FAM186A: variants seen among roughly 807,000 people sequenced by gnomAD.
FAM186A encodes protein FAM186A.
Under a neutral mutation model 216.8 loss-of-function variants are expected in FAM186A, and 163 were observed. The observed-to-expected ratio is 0.75, with a 90% CI of 0.66 to 0.86. FAM186A has a LOEUF of 0.86. FAM186A is among the 40% of genes least tolerant of loss of function. FAM186A has a pLI of 0.00. For missense variants in FAM186A, 2,184 were observed against 2,746.2 expected (o/e 0.80, Z 4.58); for synonymous variants, 805 against 1,025.3 (o/e 0.79, Z 4.10).
At chr12:50,333,638 CCA>C (rs1263731198) in intron 5 of FAM186A, among the ~76,000 whole-genome samples, 1 of 152,160 alleles carries the variant, frequency 6.6e-6, no homozygotes, top group Non-Finnish European at 1.5e-5. Flanking sequence ...CCCATAGCCA[CCA>C]CAATCTAGGA....
intron 1 of FAM186A, among the ~76,000 whole-genome samples, chr12:50,385,794 C>G (rs982235210): frequency 1.3e-5 from 2 of 151,478 alleles, no homozygotes; most frequent in Non-Finnish European, 2.9e-5. Flanking sequence ...CCCAGCTACT[C>G]GGGAGACTGA....
chr12:50,328,868 C>T (rs1174854410), intron 7 of FAM186A, among the ~76,000 whole-genome samples: 2 of 152,182 alleles, frequency 1.3e-5, no homozygotes. Flanking sequence ...GTAATCCCAA[C>T]CTTTTGGGAG....
intron 1 of FAM186A, among the ~76,000 whole-genome samples, chr12:50,383,789 C>T (rs1330835199): frequency 6.6e-6 from 1 of 151,820 alleles, no homozygotes; most frequent in Non-Finnish European, 1.5e-5. Flanking sequence ...TATGTAACTG[C>T]CCAGAGCAGC....
At chr12:50,373,048 A>AAAGAAAGG (rs1565893052) in intron 1 of FAM186A, among the ~76,000 whole-genome samples, 2 of 150,238 alleles carry the variant, frequency 1.3e-5, no homozygotes, top group Non-Finnish European at 3.0e-5. Context: ...AGAAAGAAAG[A>AAAGAAAGG]AAGAAAGAAA....
chr12:50,379,612 C>T lies in FAM186A; in HGVS notation c.193-16248G>A, dbSNP rs370583110. ...GACCAGCCTGATCAACATGGAGAAACCCCATCTCTATTAAAAATACAAAAG... is the reference window on the plus strand; with the variant it reads ...GACCAGCCTGATCAACATGGAGAAATCCCATCTCTATTAAAAATACAAAAG... On this transcript the variant is annotated intron_variant, in intron 1 of 7. Coordinates refer to ENST00000327337, the MANE Select transcript of FAM186A (RefSeq NM_001145475.3). 2.3e-4 allele frequency among the ~76,000 whole-genome samples: 35 copies of T among 151,602 alleles called. No individual in the cohort carries two copies. In the East Asian group the frequency reaches 3.3e-3, roughly 14 times the overall value.
rs1444754116 is a variant in FAM186A, at chr12:50,354,490, T to C, written c.2342A>G (p.Tyr781Cys). ...GTTAATTACTGGATCTGTGCTCTCA[T>C]ATGAGAGGAGGGTACTGCTTTCAGA... ...AKSESSTLLS[Y>C]ESTDPVINNL... The change falls in exon 4 of 8, where the codon TAT (tyrosine) becomes TGT (cysteine). Residue 781 changes from tyrosine (Y) to cysteine (C), a missense_variant. Physicochemically the swap from Tyr to Cys is radical, Grantham distance 194. Transcript: ENST00000327337. The C allele has an allele frequency of 6.4e-7, 1 of 1,551,656 alleles. No individual in the cohort carries two copies. Among genetic ancestry groups the C allele is most frequent in the Non-Finnish European group, 8.7e-7 (1 of 1,147,006 alleles).
chr12:50,374,261 C>A (rs1943176901), intron 1 of FAM186A, among the ~76,000 whole-genome samples: 2 of 151,276 alleles, frequency 1.3e-5, no homozygotes, highest in African/African-American at 4.9e-5. Flanking sequence ...TGTAACTAAC[C>A]TGCACATTGT....
At chr12:50,371,333 G>A (rs926251811) in intron 1 of FAM186A, among the ~76,000 whole-genome samples, 1 of 151,954 alleles carries the variant, frequency 6.6e-6, no homozygotes, top group Admixed American at 6.6e-5. Flanking sequence ...TGGCCAGGCT[G>A]GTCTTGAACT....
At chr12:50,376,846 T>G (rs980800266) in intron 1 of FAM186A, among the ~76,000 whole-genome samples, 1 of 151,898 alleles carries the variant, frequency 6.6e-6, no homozygotes. Context: ...GCTCAAGAGA[T>G]CCTTCCTCCT....
At chr12:50,377,065 T>C (rs377651240) in intron 1 of FAM186A, among the ~76,000 whole-genome samples, 1 of 151,974 alleles carries the variant, frequency 6.6e-6, no homozygotes, top group East Asian at 1.9e-4. Flanking sequence ...TGTTTAAAGA[T>C]GCACAATTTA....
intron 1 of FAM186A, among the ~76,000 whole-genome samples, chr12:50,390,742 G>A (rs990125557): frequency 2.6e-5 from 4 of 152,202 alleles, no homozygotes; most frequent in South Asian, 4.2e-4. Context: ...CAAGGATGCC[G>A]GGGCTTCCTT....
chr12:50,384,232 T>C (rs1416918545), intron 1 of FAM186A, among the ~76,000 whole-genome samples: 1 of 151,500 alleles, frequency 6.6e-6, no homozygotes, highest in East Asian at 1.9e-4. Context: ...AGGCCAGAGT[T>C]CAAGACCAGC....
chr12:50,353,763 T>A lies in FAM186A; in HGVS notation c.3069A>T (p.Ser1023=). The change falls in exon 4 of 8, where the codon TCA becomes TCT. Residue 1023 remains serine (S), a synonymous_variant. Coordinates refer to ENST00000327337, the MANE Select transcript of FAM186A (RefSeq NM_001145475.3). The part of the protein sequence containing the change: ...WKSVLKDVQR[S]YEGKEFQRNL... ...TCCTCTGAAACTCTTTTCCTTCATA[T>A]GACCGCTGTACATCTTTCAATACAC... The A allele has an allele frequency of 6.4e-7, 1 of 1,551,178 alleles. No homozygotes were observed. Among genetic ancestry groups the A allele is most frequent in the South Asian group, 1.2e-5 (1 of 83,944 alleles).
chr12:50,338,739 T>G (rs1339839883), intron 4 of FAM186A, among the ~76,000 whole-genome samples: 1 of 151,952 alleles, frequency 6.6e-6, no homozygotes, highest in African/African-American at 2.4e-5. Context: ...AAAAATTCAC[T>G]TCTACCAATT....
In FAM186A at chr12:50,330,653, A is replaced by G. The variant is rs747055095; in HGVS notation, c.6954T>C (p.Gly2318=). 2.8e-5 allele frequency: 43 copies of G among 1,550,470 alleles called. No individual in the cohort carries two copies. In the African/African-American group the frequency reaches 5.1e-4, roughly 18 times the overall value. The change falls in exon 7 of 8, where the codon GGT becomes GGC. Residue 2318 remains glycine, a synonymous_variant. Transcript: ENST00000327337. ...GCAGCCTGGGAATATCTGGGTACCC[A>G]CCCAGCTGGGCCCAGAGTGAATGCA... ...TSMHSLWAQL[G]GYPDIPRLLQ...
At chr12:50,341,030 C>G (rs1043833319) in intron 4 of FAM186A, among the ~76,000 whole-genome samples, 1 of 152,120 alleles carries the variant, frequency 6.6e-6, no homozygotes, top group African/African-American at 2.4e-5. Context: ...CTCCTGACCT[C>G]AGGTGATCTG....
chr12:50,361,997 C>T (rs971588478), intron 2 of FAM186A, among the ~76,000 whole-genome samples: 6 of 147,660 alleles, frequency 4.1e-5, no homozygotes, highest in Admixed American at 6.7e-5. Context: ...GTTTTGGAGA[C>T]AGTCTCACTC....
intron 1 of FAM186A, among the ~76,000 whole-genome samples, chr12:50,374,761 A>G (rs535916422): frequency 5.9e-5 from 9 of 152,224 alleles, no homozygotes; most frequent in Admixed American, 2.0e-4. Flanking sequence ...TCAACATTGG[A>G]TAAATGTCCT....
At chr12:50,346,999 A>T (rs1177108088) in intron 4 of FAM186A, among the ~76,000 whole-genome samples, 38 of 8,798 alleles carry the variant, frequency 4.3e-3, no homozygotes, top group African/African-American at 0.016. Flanking sequence ...CTCTGTCTCA[A>T]AAAAAAAAAA....
Sources: allele counts gnomAD v4.1 joint callset (sites outside exome capture counted in the v4.1 genomes callset), GRCh38; gene constraint gnomAD v4.1.1; transcripts MANE v1.5; gene names NCBI Gene and HGNC (gene_info 2026-07-23, HGNC 2026-07-21).